The following TPO variants were observed in gnomAD, a reference collection of about 807,000 sequenced individuals.
TPO encodes the protein thyroid microsomal antigen.
TPO carries 78 observed loss-of-function variants against 96.9 expected under a neutral mutation model. The ratio of observed to expected loss-of-function variants is 0.81; its 90% confidence interval spans 0.67 to 0.97. TPO has a LOEUF of 0.97. Among genes scored for constraint, TPO ranks in the 50% least tolerant of loss-of-function variants. TPO has a pLI of 0.00. For missense variants in TPO, 1,252 were observed against 1,274.8 expected (o/e 0.98, Z 0.27); for synonymous variants, 547 against 538.0 (o/e 1.02, Z -0.23).
At chr2:1,403,294 C>T (rs955473139) in intron 1 of TPO, among the ~76,000 whole-genome samples, 2 of 152,190 alleles carry the variant, frequency 1.3e-5, no homozygotes, top group Non-Finnish European at 1.5e-5. Flanking sequence ...AGGCCATGCC[C>T]GGGCAGCCTG....
At chr2:1,376,405 T>C (rs1661723096) in intron 1 of TPO, among the ~76,000 whole-genome samples, 1 of 152,232 alleles carries the variant, frequency 6.6e-6, no homozygotes, top group African/African-American at 2.4e-5. Flanking sequence ...GAAACTATTT[T>C]GTAGTATTCA....
rs6714887 is a variant in TPO, at chr2:1,487,609, C to A, written c.1598-212C>A. On this transcript the variant is annotated intron_variant, in intron 9 of 16. Coordinates refer to ENST00000329066, the MANE Select transcript of TPO (RefSeq NM_001206744.2). The stretch of plus-strand genomic sequence containing the variant: ...GAAATTAGCCAAGCATGGTAGCGGG[C>A]GCCTGTAGTCCCAATTACTCGGGAG... Among the ~76,000 whole-genome samples, 78,678 of 151,862 alleles carry A rather than the reference C, an allele frequency of 0.52. 21,114 individuals are homozygous for A. Among genetic ancestry groups the A allele is most frequent in the African/African-American group, 0.67 (27,599 of 41,426 alleles).
rs1680903501 is a variant in TPO at position 1,542,797 on chromosome 2, C to G, written c.*323C>G. 6 of 579,332 alleles carry G rather than the reference C, an allele frequency of 1.0e-5. No homozygotes were observed. Among genetic ancestry groups the G allele is most frequent in the South Asian group, 2.0e-5 (1 of 51,144 alleles). 35.9% of individuals were successfully genotyped at this position (579,332 alleles called of 1,614,324 possible). A position where few individuals can be genotyped will look rare whatever the true frequency, so the allele number is the denominator to read the frequency against. On this transcript the variant is annotated 3_prime_UTR_variant, in exon 17 of 17. Coordinates refer to ENST00000329066, the MANE Select transcript of TPO (RefSeq NM_001206744.2). ...CTCCTGTCTCCACCTTCTGGCATCT[C>G]TGATGCCGTGCTCGTCTGCACTCTG...
At chr2:1,392,497 A>G (rs1157557912) in intron 1 of TPO, among the ~76,000 whole-genome samples, 2 of 152,256 alleles carry the variant, frequency 1.3e-5, no homozygotes, top group East Asian at 3.9e-4. Context: ...AGGCTTTGGG[A>G]TCAGGATGAT....
intron 1 of TPO, among the ~76,000 whole-genome samples, chr2:1,389,029 A>AT (rs1411537173): frequency 6.6e-6 from 1 of 152,006 alleles, no homozygotes; most frequent in Non-Finnish European, 1.5e-5. Context: ...TTTGTGTTTT[A>AT]TTTTTTTGTT....
At chr2:1,410,132 A>G (rs1662309515), upstream of TPO, among the ~76,000 whole-genome samples, 1 of 152,210 alleles carries the variant, frequency 6.6e-6, no homozygotes, top group Non-Finnish European at 1.5e-5. Flanking sequence ...AAATGTTCCT[A>G]TCACACACAC....
At chr2:1,476,396 G>GA (rs1360136716) in intron 7 of TPO, among the ~76,000 whole-genome samples, 1 of 152,106 alleles carries the variant, frequency 6.6e-6, no homozygotes, top group Non-Finnish European at 1.5e-5. Flanking sequence ...TGTAAATCTG[G>GA]AAAAAATATT....
chr2:1,477,704 G>T lies in TPO; in HGVS notation c.1338+100G>T, dbSNP rs530838957. ...CGTGGCTTCTCTCTCCCAGGTACTT[G>T]CACAGCCATCATGGGCGCCCACATG... On this transcript the variant is annotated intron_variant, in intron 8 of 16. Transcript: ENST00000329066. The T allele has an allele frequency of 1.7e-4, 235 of 1,387,630 alleles. 1 individual carries two copies. In the Admixed American group the frequency reaches 6.8e-3, roughly 40 times the overall value. The allele number at this position is 1,387,630 out of a possible 1,614,324, so 86.0% of individuals were successfully genotyped here.
At chr2:1,527,703 C>G (rs1054624732) in intron 15 of TPO, among the ~76,000 whole-genome samples, 1 of 144,108 alleles carries the variant, frequency 6.9e-6, no homozygotes, top group African/African-American at 2.6e-5. Context: ...GGCAACCACA[C>G]AAAATCCCGC....
intron 1 of TPO, among the ~76,000 whole-genome samples, chr2:1,388,945 G>A (rs1002820639): frequency 2.0e-5 from 3 of 152,092 alleles, no homozygotes; most frequent in African/African-American, 4.8e-5. Flanking sequence ...GTACACTTTT[G>A]CCCCAAATAA....
At chr2:1,541,738 C>G (rs1680795623) in intron 16 of TPO, 1 of 152,616 alleles carries the variant, frequency 6.6e-6, no homozygotes, top group South Asian at 2.1e-4. Context: ...GTAAAGGTAT[C>G]AAAACCATGT....
chr2:1,535,044 G>GTGTGCAA (rs1679254782), intron 15 of TPO, among the ~76,000 whole-genome samples: 1 of 64,168 alleles, frequency 1.6e-5, no homozygotes, highest in Non-Finnish European at 2.8e-5. Flanking sequence ...CCCCCCCACT[G>GTGTGCAA]TGTGCAACCT....
At chr2:1,388,154 G>T (rs2148353492) in intron 1 of TPO, among the ~76,000 whole-genome samples, 1 of 152,332 alleles carries the variant, frequency 6.6e-6, no homozygotes, top group Admixed American at 6.5e-5. Flanking sequence ...CTACTTGGGG[G>T]TTAGGGACCC....
At chr2:1,499,245 C>T (rs1017082484) in intron 13 of TPO, among the ~76,000 whole-genome samples, 2 of 152,030 alleles carry the variant, frequency 1.3e-5, no homozygotes, top group African/African-American at 4.8e-5. Context: ...TCTGACCTTC[C>T]ACCTGCCCTC....
chr2:1,386,828 A>C (rs908111711), intron 1 of TPO, among the ~76,000 whole-genome samples: 2 of 152,078 alleles, frequency 1.3e-5, no homozygotes, highest in African/African-American at 4.8e-5. Flanking sequence ...ACAATTTGGC[A>C]TGTTTTTGCA....
intron 15 of TPO, among the ~76,000 whole-genome samples, chr2:1,525,609 C>CA (rs1459279949): frequency 9.9e-6 from 1 of 101,042 alleles, no homozygotes; most frequent in African/African-American, 4.0e-5. Context: ...ACAAATCCCC[C>CA]CACTGTGTGC....
intron 14 of TPO, among the ~76,000 whole-genome samples, chr2:1,508,894 G>T (rs112467590): frequency 1.1e-4 from 16 of 152,100 alleles, no homozygotes; most frequent in Non-Finnish European, 4.4e-5. Flanking sequence ...CTTCAGTTCT[G>T]CTCTGATCTT....
chr2:1,440,690 G>A (rs78470744), intron 5 of TPO, among the ~76,000 whole-genome samples: 5,923 of 150,278 alleles, frequency 0.039, 217 homozygotes, highest in South Asian at 0.14. Context: ...AGTCAGTGCC[G>A]CAGGAGGCAC....
intron 1 of TPO, among the ~76,000 whole-genome samples, chr2:1,400,835 G>A (rs1193345334): frequency 1.3e-5 from 2 of 152,086 alleles, no homozygotes; most frequent in Non-Finnish European, 2.9e-5. Flanking sequence ...TAAGCCAAAG[G>A]GGATCTTTTT....
Sources: allele counts gnomAD v4.1 joint callset (sites outside exome capture counted in the v4.1 genomes callset), GRCh38; gene constraint gnomAD v4.1.1; transcripts MANE v1.5; gene names NCBI Gene and HGNC (gene_info 2026-07-23, HGNC 2026-07-21).